The following TERT variants were observed in gnomAD, a reference collection of about 807,000 sequenced individuals.
TERT encodes telomerase catalytic subunit.
TERT carries 42 observed loss-of-function variants against 104.0 expected under a neutral mutation model. The observed-to-expected ratio is 0.40, with a 90% confidence interval of 0.32 to 0.52. The LOEUF (loss-of-function observed/expected upper bound fraction) is 0.52. TERT is among the 20% of genes least tolerant of loss of function. The probability of loss-of-function intolerance (pLI) is 0.43; values close to 1 mark genes in which losing one functional copy is unlikely to be tolerated. For missense variants in TERT, 1,101 were observed against 1,610.3 expected (o/e 0.68, Z 5.41); for synonymous variants, 781 against 725.6 (o/e 1.08, Z -1.23).
At chr5:1,271,017 G>A (rs539582744) in intron 8 of TERT, 102 bp downstream of exon 8, 191 of 944,996 alleles carry the variant, frequency 2.0e-4, no homozygotes, top group Non-Finnish European at 2.8e-4. Context: ...TGGTGGCCCC[G>A]GGCAGAAGGG....
rs972552451 is a variant in TERT at position 1,288,990 on chromosome 5, C to G, written c.1573+4323G>C. Among the ~76,000 whole-genome samples, 1 of 152,156 alleles carries G rather than the reference C, an allele frequency of 6.6e-6. No individual in the cohort carries two copies. Among genetic ancestry groups the G allele is most frequent in the Non-Finnish European group, 1.5e-5 (1 of 68,020 alleles). ...CCAGCACTGCGCCTGCACCATCTAC[C>G]CAGGCAATGGGCAACCGGCGCAGCT... On this transcript the variant is annotated intron_variant, in intron 2 of 15. Transcript: ENST00000310581. The surrounding 1 kb of genome is among the most constrained non-coding windows in gnomAD (Gnocchi z 5.3).
chr5:1,265,229 T>G lies in TERT; in HGVS notation c.2655-637A>C, dbSNP rs770004767. Among the ~76,000 whole-genome samples, 2 of 152,050 alleles carry G rather than the reference T, an allele frequency of 1.3e-5. No homozygotes were observed. The highest frequency in any genetic ancestry group is 2.9e-5 in the Non-Finnish European group (2 of 67,994). ...GGTAGCCTCTGCTCTGGCCTGGGCA[T>G]CCCCTTCCCTTCCTGCGGCCTCTGC... is the stretch of plus-strand genomic sequence containing the variant. On this transcript the variant is annotated intron_variant, in intron 10 of 15. Transcript: ENST00000310581. This position sits in a 1 kb window ranked among gnomAD's most constrained non-coding sequence, Gnocchi z 6.9.
chr5:1,283,407 G>T (rs377181323), intron 2 of TERT, among the ~76,000 whole-genome samples: 3 of 136,724 alleles, frequency 2.2e-5, no homozygotes, highest in Admixed American at 7.4e-5. Context: ...AGGGCCTGGC[G>T]ACCTCACCCC....
At position 1,278,470 on chromosome 5, in the gene TERT, G is replaced by A. The variant is rs548922506; in HGVS notation, c.2286+171C>T. ...ACACACACACACCACAAATATGCAC[G>A]CCACAGATACATGCACCACGACACA... On this transcript the variant is annotated intron_variant, in intron 6 of 15. Coordinates refer to ENST00000310581, the MANE Select transcript of TERT (RefSeq NM_198253.3). Among the ~76,000 whole-genome samples, 12 of 151,282 alleles carry A rather than the reference G, an allele frequency of 7.9e-5. No homozygotes were observed. The East Asian group carries it at 2.1e-3, about 27-fold the overall frequency.
Position 1,264,435 on chromosome 5 carries a change from G to C in TERT, c.2812C>G (p.Arg938Gly), listed in dbSNP as rs1422814635. ...FPWCGLLLDTRTLEVQSDYSS... is the reference protein window; with the variant it reads ...FPWCGLLLDTGTLEVQSDYSS... ...TAGTCGCTCTGCACCTCCAGGGTCC[G>C]GGTATCCAGCAGCAGGCCGCACCAG... The change falls in exon 11 of 16, where the codon CGG (arginine) becomes GGG (glycine). Residue 938 changes from arginine to glycine, a missense_variant. Arg to Gly is a moderately radical substitution (Grantham distance 125). This residue lies in a region of TERT where 463 missense variants were observed against 797.5 expected (regional missense o/e 0.58). Transcript: ENST00000310581. 2 of 1,613,440 alleles carry C rather than the reference G, an allele frequency of 1.2e-6. No homozygotes were observed. The highest frequency in any genetic ancestry group is 1.7e-6 in the Non-Finnish European group (2 of 1,179,970).
intron 2 of TERT, 25 bp downstream of exon 2, chr5:1,293,288 C>A: frequency 3.1e-6 from 5 of 1,611,040 alleles, no homozygotes; most frequent in Non-Finnish European, 4.2e-6. Context: ...GGGGCCTGGG[C>A]CCTCGACGGC....
chr5:1,254,163 A>G (rs1300013964), intron 15 of TERT, among the ~76,000 whole-genome samples: 2 of 152,170 alleles, frequency 1.3e-5, no homozygotes, highest in Non-Finnish European at 2.9e-5. Context: ...GCAGGGGTTC[A>G]AGAAGTTGTG....
In TERT at chr5:1,263,427, G is replaced by T. The variant is rs1231843662; in HGVS notation, c.2843+977C>A. ...ATACTTTTTTTTTTTTTTTTAAGAT[G>T]AAGTCTCACTCTGTTGCCCAGGCTG... On this transcript the variant is annotated intron_variant, in intron 11 of 15. Transcript: ENST00000310581. This position sits in a 1 kb window ranked among gnomAD's most constrained non-coding sequence, Gnocchi z 5.3. Among the ~76,000 whole-genome samples, 6 of 148,840 alleles carry T rather than the reference G, an allele frequency of 4.0e-5. No homozygotes were observed. The highest frequency in any genetic ancestry group is 2.1e-4 in the South Asian group (1 of 4,714).
At position 1,294,569 on chromosome 5, in the gene TERT, C is replaced by G. The variant is rs1024983534; in HGVS notation, c.317G>C (p.Gly106Ala). Residue 106 changes from glycine (G) to alanine (A), a missense_variant, in exon 2 of 16, where the codon GGG (glycine) becomes GCG (alanine). Physicochemically the swap from Gly to Ala is moderately conservative, Grantham distance 60. Around this residue, in one of 5 missense-constraint regions of TERT, gnomAD observed 47 missense variants for 105.3 expected, o/e 0.45. Coordinates refer to ENST00000310581, the MANE Select transcript of TERT (RefSeq NM_198253.3). ...VLAFGFALLDGARGGPPEAFT... is the reference protein window; with the variant it reads ...VLAFGFALLDAARGGPPEAFT... ...GGCCTCGGGGGGGCCCCCGCGGGCC[C>G]CGTCCAGCAGCGCGAAGCCGAAGGC... 3 of 1,586,254 alleles carry G rather than the reference C, an allele frequency of 1.9e-6. No homozygotes were observed. The highest frequency in any genetic ancestry group is 1.7e-5 in the Admixed American group (1 of 58,714).
chr5:1,269,619 A>T lies in TERT; in HGVS notation c.2469-986T>A, dbSNP rs1748878647. On this transcript the variant is annotated intron_variant, in intron 8 of 15. Coordinates refer to ENST00000310581, the MANE Select transcript of TERT (RefSeq NM_198253.3). The surrounding 1 kb of genome is among the most constrained non-coding windows in gnomAD (Gnocchi z 9.0). Reference sequence around the variant, plus strand: ...AACAGTGACGTTCCGTCTCAAAAAAAAAAAAAGAAAGAAAAGAAAAGAGGC... The same window carrying T: ...AACAGTGACGTTCCGTCTCAAAAAATAAAAAAGAAAGAAAAGAAAAGAGGC... 6.6e-6 allele frequency among the ~76,000 whole-genome samples: 1 copy of T among 152,064 alleles called. No homozygotes were observed. Among genetic ancestry groups the T allele is most frequent in the South Asian group, 2.1e-4 (1 of 4,812 alleles).
rs1198700205 is a variant in TERT at position 1,270,254 on chromosome 5, A to G, written c.2468+865T>C. 6.6e-6 allele frequency among the ~76,000 whole-genome samples: 1 copy of G among 152,216 alleles called. No homozygotes were observed. Among genetic ancestry groups the G allele is most frequent in the South Asian group, 2.1e-4 (1 of 4,838 alleles). ...ATTAGTGATTACTTATAATGCAATAATTAATAGTTATATTTTTAAATAAAA... is the reference window on the plus strand; with the variant it reads ...ATTAGTGATTACTTATAATGCAATAGTTAATAGTTATATTTTTAAATAAAA... On this transcript the variant is annotated intron_variant, in intron 8 of 15. Transcript: ENST00000310581. This position sits in a 1 kb window ranked among gnomAD's most constrained non-coding sequence, Gnocchi z 8.3.
chr5:1,260,232 CAT>C (rs1212547575), intron 12 of TERT, among the ~76,000 whole-genome samples: 2 of 152,242 alleles, frequency 1.3e-5, no homozygotes, highest in African/African-American at 2.4e-5. Context: ...AACACACATG[CAT>C]GTCAGGTGTG....
chr5:1,283,726 A>C (rs6420019), intron 2 of TERT, among the ~76,000 whole-genome samples: 109,674 of 133,198 alleles, frequency 0.82, 44,259 homozygotes, highest in East Asian at 0.96. Context: ...CACCCCAGAC[A>C]TGCACCATGC....
At position 1,269,879 on chromosome 5, in the gene TERT, G is replaced by C. The variant is rs1748896294; in HGVS notation, c.2468+1240C>G. The stretch of plus-strand genomic sequence containing the variant: ...GACCACGATGGGGACTAGAGCTTCG[G>C]GCCTGTCCGTGTCCTAGGGACAGGA... On this transcript the variant is annotated intron_variant, in intron 8 of 15. Transcript: ENST00000310581. This position sits in a 1 kb window ranked among gnomAD's most constrained non-coding sequence, Gnocchi z 9.0. Among the ~76,000 whole-genome samples, 1 of 152,138 alleles carries C rather than the reference G, an allele frequency of 6.6e-6. No individual in the cohort carries two copies. The highest frequency in any genetic ancestry group is 1.5e-5 in the Non-Finnish European group (1 of 68,016).
Position 1,255,493 on chromosome 5 carries a change from C to T in TERT, c.3033-82G>A. 1 of 1,585,538 alleles carries T rather than the reference C, an allele frequency of 6.3e-7. No homozygotes were observed. Among genetic ancestry groups the T allele is most frequent in the Non-Finnish European group, 8.6e-7 (1 of 1,157,114 alleles). Reference sequence around the variant, plus strand: ...GGGTGTGGGCATGGGCCCACCGGTGCCTGTGTGCGTGCATGAATGCACATG... The same window carrying T: ...GGGTGTGGGCATGGGCCCACCGGTGTCTGTGTGCGTGCATGAATGCACATG... On this transcript the variant is annotated intron_variant, in intron 13 of 15. Coordinates refer to ENST00000310581, the MANE Select transcript of TERT (RefSeq NM_198253.3). The surrounding 1 kb of genome is among the most constrained non-coding windows in gnomAD (Gnocchi z 6.9).
chr5:1,261,127 G>A lies in TERT; in HGVS notation c.2844-527C>T, dbSNP rs555566499. Among the ~76,000 whole-genome samples, 7 of 152,302 alleles carry A rather than the reference G, an allele frequency of 4.6e-5. No homozygotes were observed. The highest frequency in any genetic ancestry group is 7.4e-5 in the Non-Finnish European group (5 of 68,022). On this transcript the variant is annotated intron_variant, in intron 11 of 15. Transcript: ENST00000310581. The surrounding 1 kb of genome is among the most constrained non-coding windows in gnomAD (Gnocchi z 7.4). ...AGGGGCAGGATGGAGGCATCCCACC[G>A]ATGTCCTCCAGGGCCTCACCACCAC...
intron 2 of TERT, among the ~76,000 whole-genome samples, chr5:1,283,333 T>A (rs369649831): frequency 6.2e-4 from 37 of 59,910 alleles, no homozygotes; most frequent in East Asian, 1.2e-3. Context: ...TCCAGCTCAC[T>A]GCAGGGCCTG....
At chr5:1,275,914 C>T (rs1749539985) in intron 6 of TERT, among the ~76,000 whole-genome samples, 2 of 136,702 alleles carry the variant, frequency 1.5e-5, no homozygotes, top group African/African-American at 5.6e-5. Context: ...GAAAACCAAT[C>T]CCACAGATCT....
intron 9 of TERT, among the ~76,000 whole-genome samples, chr5:1,267,834 T>C (rs894651315): frequency 1.3e-5 from 2 of 151,920 alleles, no homozygotes; most frequent in African/African-American, 4.8e-5. Context: ...GGGCCTGTCA[T>C]GGGATGGGGG....
Sources: gnomAD v4.1 joint callset for allele counts (sites outside exome capture counted in the v4.1 genomes callset) on GRCh38, gnomAD v4.1.1 for gene constraint, gnomAD v4.1.1 regional missense constraint, Gnocchi (gnomAD v3.1) non-coding constraint, MANE v1.5 for transcripts, NCBI Gene and HGNC (gene_info 2026-07-23, HGNC 2026-07-21) for gene names.